Variants in IGSF21 observed in about 807,000 individuals in gnomAD.
IGSF21 encodes immunoglobin superfamily member 21.
Under a neutral mutation model 46.8 loss-of-function variants are expected in IGSF21, and 28 were observed. The observed-to-expected ratio is 0.60, with a 90% CI of 0.44 to 0.82. The LOEUF is 0.82. IGSF21 is among the 40% of genes least tolerant of loss of function. The probability of loss-of-function intolerance (pLI) is 0.00; values close to 1 mark genes in which losing one functional copy is unlikely to be tolerated. For synonymous variants in IGSF21, 284 were observed against 273.6 expected (o/e 1.04, Z -0.38); for missense variants, 624 against 665.5 (o/e 0.94, Z 0.69).
rs553052742 is a variant in IGSF21 at position 18,141,183 on chromosome 1, G to T, written c.70+32985G>T. Reference sequence around the variant, plus strand: ...ATGGGAATTGGCTTTGAGAAGGAAGGATCTTAAGCTCAAGGTCTCATCTAG... The same window carrying T: ...ATGGGAATTGGCTTTGAGAAGGAAGTATCTTAAGCTCAAGGTCTCATCTAG... On this transcript the variant is annotated intron_variant, in intron 1 of 9. Coordinates refer to ENST00000251296, the MANE Select transcript of IGSF21 (RefSeq NM_032880.5). 7.2e-4 allele frequency among the ~76,000 whole-genome samples: 109 copies of T among 152,324 alleles called. 1 individual carries two copies. The highest frequency in any genetic ancestry group is 3.4e-3 in the Middle Eastern group (1 of 294).
At chr1:18,352,317 A>C (rs376192603) in intron 4 of IGSF21, among the ~76,000 whole-genome samples, 23 of 152,278 alleles carry the variant, frequency 1.5e-4, no homozygotes, top group African/African-American at 5.3e-4. Context: ...CACCAACTGA[A>C]GCTTACATAG....
In IGSF21 at chr1:18,337,957, A is replaced by G. The variant is rs1428670398; in HGVS notation, c.424+2947A>G. On this transcript the variant is annotated intron_variant, in intron 4 of 9. Transcript: ENST00000251296. This position sits in a 1 kb window ranked among gnomAD's most constrained non-coding sequence, Gnocchi z 5.7. ...AGGAGCGTGGCTTCTGTAGCTCACC[A>G]AGGTCCTGAATGGTGAGGGGAGGGC... 2.0e-5 allele frequency among the ~76,000 whole-genome samples: 3 copies of G among 152,064 alleles called. No homozygotes were observed. The highest frequency in any genetic ancestry group is 7.2e-5 in the African/African-American group (3 of 41,414).
intron 1 of IGSF21, chr1:18,114,360 A>T (rs993102546): frequency 6.6e-6 from 1 of 152,096 alleles, no homozygotes; most frequent in Non-Finnish European, 1.5e-5. Flanking sequence ...AACACATAGC[A>T]GGTGCTCAGT....
chr1:18,231,073 C>T (rs372368521), intron 2 of IGSF21, among the ~76,000 whole-genome samples: 1 of 152,152 alleles, frequency 6.6e-6, no homozygotes, highest in Non-Finnish European at 1.5e-5. Flanking sequence ...ATTACACAGG[C>T]CCAGTCAGGA....
intron 1 of IGSF21, among the ~76,000 whole-genome samples, chr1:18,161,172 C>A (rs530711314): frequency 6.6e-6 from 1 of 152,136 alleles, no homozygotes; most frequent in African/African-American, 2.4e-5. Context: ...CGTTTTAGCA[C>A]GGCCAGCCTC....
chr1:18,276,596 G>T (rs979856076), intron 2 of IGSF21, among the ~76,000 whole-genome samples: 7 of 152,158 alleles, frequency 4.6e-5, no homozygotes, highest in African/African-American at 1.7e-4. Context: ...GAATCTCAAA[G>T]AATATGTGCC....
At chr1:18,326,731 G>A (rs2085661654) in intron 3 of IGSF21, among the ~76,000 whole-genome samples, 2 of 152,164 alleles carry the variant, frequency 1.3e-5, no homozygotes, top group African/African-American at 4.8e-5. Context: ...CCCTCCATCT[G>A]TCCCTCCCTT....
At chr1:18,291,206 T>G (rs116694112) in intron 2 of IGSF21, among the ~76,000 whole-genome samples, 5,368 of 152,280 alleles carry the variant, frequency 0.035, 291 homozygotes, top group African/African-American at 0.12. Flanking sequence ...CTTCCAGCGC[T>G]GGCTTCATCG....
rs149245419 is a variant in IGSF21, at chr1:18,229,348, C to G, written c.183+1338C>G. On this transcript the variant is annotated intron_variant, in intron 2 of 9. Coordinates refer to ENST00000251296, the MANE Select transcript of IGSF21 (RefSeq NM_032880.5). ...TGGAAACTCAGTGTTAGAGGAATCC[C>G]TGGGGCATGCGTGCTGTTCATAGTC... is the stretch of plus-strand genomic sequence containing the variant. 6.5e-3 allele frequency among the ~76,000 whole-genome samples: 994 copies of G among 152,298 alleles called. 12 individuals carry two copies. Among genetic ancestry groups the G allele is most frequent in the African/African-American group, 0.023 (954 of 41,570 alleles).
intron 1 of IGSF21, among the ~76,000 whole-genome samples, chr1:18,172,459 G>T (rs1045695600): frequency 2.6e-5 from 4 of 152,188 alleles, no homozygotes; most frequent in African/African-American, 7.2e-5. Context: ...AGTTCTGGAG[G>T]CTGGAAGTCT....
At chr1:18,300,976 T>C (rs1302301254) in intron 3 of IGSF21, among the ~76,000 whole-genome samples, 1 of 152,210 alleles carries the variant, frequency 6.6e-6, no homozygotes, top group African/African-American at 2.4e-5. Flanking sequence ...GCTCCTGGGA[T>C]AGATGCCCAG....
intron 4 of IGSF21, among the ~76,000 whole-genome samples, chr1:18,353,018 G>C (rs1388227836): frequency 6.6e-6 from 1 of 152,174 alleles, no homozygotes; most frequent in Non-Finnish European, 1.5e-5. Flanking sequence ...TCAAGTTTGG[G>C]GGTGGGGCTA....
In IGSF21 at chr1:18,228,021, A is replaced by ACTACTG; in HGVS notation, c.183+13_183+18dup. 6.3e-7 allele frequency: 1 copy of ACTACTG among 1,594,174 alleles called. No individual in the cohort carries two copies. The highest frequency in any genetic ancestry group is 8.6e-7 in the Non-Finnish European group (1 of 1,161,936). ...ATCGTGTGGTACCGGGTAAGTCACTACTACTGCCCCCTTCATGCCCATGGC... is the reference window on the plus strand; with the variant it reads ...ATCGTGTGGTACCGGGTAAGTCACTACTACTGCTACTGCCCCCTTCATGCCCATGGC... On this transcript the variant is annotated intron_variant, in intron 2 of 9. Coordinates refer to ENST00000251296, the MANE Select transcript of IGSF21 (RefSeq NM_032880.5).
chr1:18,360,193 A>G (rs2086084395), intron 4 of IGSF21, among the ~76,000 whole-genome samples: 1 of 152,186 alleles, frequency 6.6e-6, no homozygotes, highest in Admixed American at 6.5e-5. Context: ...CAGAATCTGC[A>G]ATTTCTAGGT....
At chr1:18,348,800 A>T (rs529462156) in intron 4 of IGSF21, among the ~76,000 whole-genome samples, 1 of 152,312 alleles carries the variant, frequency 6.6e-6, no homozygotes, top group South Asian at 2.1e-4. Context: ...CCAAGATCAC[A>T]CTGCAAGTCG....
chr1:18,210,024 G>A (rs1487757863), intron 1 of IGSF21, among the ~76,000 whole-genome samples: 2 of 152,130 alleles, frequency 1.3e-5, no homozygotes, highest in East Asian at 3.9e-4. Flanking sequence ...CTGCACCTGG[G>A]CCTTCAGCAG....
At chr1:18,332,758 T>G (rs2085727426) in intron 3 of IGSF21, among the ~76,000 whole-genome samples, 1 of 152,164 alleles carries the variant, frequency 6.6e-6, no homozygotes, top group Non-Finnish European at 1.5e-5. Flanking sequence ...TGACAGTCGG[T>G]AGACCAGATG....
chr1:18,339,908 C>T (rs535385207), intron 4 of IGSF21, among the ~76,000 whole-genome samples: 5 of 152,284 alleles, frequency 3.3e-5, no homozygotes, highest in Admixed American at 2.6e-4. Context: ...TCCAGCACCT[C>T]CCCCACTTCT....
chr1:18,181,367 C>T (rs1173609220), intron 1 of IGSF21, among the ~76,000 whole-genome samples: 1 of 152,178 alleles, frequency 6.6e-6, no homozygotes, highest in African/African-American at 2.4e-5. Context: ...AATTACAGGA[C>T]CATGCACACT....
Sources: allele counts gnomAD v4.1 joint callset (sites outside exome capture counted in the v4.1 genomes callset), GRCh38; gene constraint gnomAD v4.1.1; non-coding constraint Gnocchi (gnomAD v3.1); transcripts MANE v1.5; gene names NCBI Gene and HGNC (gene_info 2026-07-23, HGNC 2026-07-21).